Variants in RHOBTB1 observed in about 807,000 individuals in gnomAD.
RHOBTB1 encodes rho-related BTB domain-containing protein 1.
In RHOBTB1, 40 loss-of-function variants were observed where a neutral mutation model predicts 71.6. That is an observed-to-expected ratio of 0.56 (90% confidence interval 0.43 to 0.73). The LOEUF is 0.73. RHOBTB1 is among the 30% of genes least tolerant of loss of function. The pLI is 0.00. For missense variants in RHOBTB1, 797 were observed against 894.0 expected, an observed-to-expected ratio of 0.89 and a Z score of 1.38; for synonymous variants, 319 against 334.9, an observed-to-expected ratio of 0.95 and a Z score of 0.52.
At chr10:60,884,945 T>G (rs2081499150) in intron 7 of RHOBTB1, among the ~76,000 whole-genome samples, 1 of 152,002 alleles carries the variant, frequency 6.6e-6, no homozygotes, top group Non-Finnish European at 1.5e-5. Context: ...TAGAGACAGG[T>G]TCTCACTCTG....
chr10:60,937,484 G>A (rs940204599), intron 2 of RHOBTB1, among the ~76,000 whole-genome samples: 6 of 152,246 alleles, frequency 3.9e-5, no homozygotes, highest in African/African-American at 4.8e-5. Flanking sequence ...TTAGTTATCT[G>A]GCTGGAAATA....
At chr10:60,938,331 G>A (rs1331518552) in intron 2 of RHOBTB1, among the ~76,000 whole-genome samples, 1 of 152,198 alleles carries the variant, frequency 6.6e-6, no homozygotes, top group African/African-American at 2.4e-5. Context: ...TTCAGGCAGT[G>A]TTATGTAATG....
intron 2 of RHOBTB1, among the ~76,000 whole-genome samples, chr10:60,963,798 C>T (rs1368774145): frequency 6.6e-6 from 1 of 152,082 alleles, no homozygotes; most frequent in Non-Finnish European, 1.5e-5. Flanking sequence ...TTACAAGTTC[C>T]CTGAAATATT....
intron 3 of RHOBTB1, 100 bp from the exon 4 acceptor site, chr10:60,911,090 C>T (rs2082943840): frequency 2.2e-6 from 2 of 917,848 alleles, no homozygotes; most frequent in Admixed American, 2.1e-5. Context: ...AATTCACTTG[C>T]ATTAAGTTTC....
downstream of RHOBTB1, among the ~76,000 whole-genome samples, chr10:60,865,575 T>C (rs577876316): frequency 2.6e-5 from 4 of 152,326 alleles, no homozygotes; most frequent in Admixed American, 6.5e-5. Context: ...GAATAACTCA[T>C]TGTAATAGGT....
At chr10:60,969,139 A>G (rs2086068933) in intron 2 of RHOBTB1, among the ~76,000 whole-genome samples, 1 of 152,126 alleles carries the variant, frequency 6.6e-6, no homozygotes, top group South Asian at 2.1e-4. Flanking sequence ...TGAAGTTGAG[A>G]TGGAACAAAT....
chr10:60,992,198 A>C (rs900800905), intron 1 of RHOBTB1, among the ~76,000 whole-genome samples: 3 of 152,138 alleles, frequency 2.0e-5, no homozygotes, highest in African/African-American at 2.4e-5. Context: ...GGATATAAGA[A>C]ACGAAAGTAG....
chr10:60,933,415 A>G (rs1052991334), intron 2 of RHOBTB1, among the ~76,000 whole-genome samples: 1 of 152,216 alleles, frequency 6.6e-6, no homozygotes, highest in Admixed American at 6.5e-5. Context: ...GTATAGAAAA[A>G]GATTTCATTT....
chr10:61,001,157 A>C (rs982921542), intron 1 of RHOBTB1, among the ~76,000 whole-genome samples: 1 of 151,990 alleles, frequency 6.6e-6, no homozygotes, highest in Non-Finnish European at 1.5e-5. Context: ...GGAAGCAAGC[A>C]CCCTCTGGGG....
At chr10:60,871,685 C>T (rs370892681) in intron 10 of RHOBTB1, 34 bp from the exon 11 acceptor site, 916 of 1,598,772 alleles carry the variant, frequency 5.7e-4, no homozygotes, top group Admixed American at 7.4e-4. Flanking sequence ...ATAAGACCTG[C>T]GGTTCATTGA....
intron 2 of RHOBTB1, among the ~76,000 whole-genome samples, chr10:60,953,822 A>G (rs866707595): frequency 6.6e-6 from 1 of 152,182 alleles, no homozygotes; most frequent in Non-Finnish European, 1.5e-5. Flanking sequence ...ATAGAAACAC[A>G]AAGACACATG....
chr10:60,915,788 C>G (rs556517191), intron 2 of RHOBTB1, among the ~76,000 whole-genome samples: 17 of 152,228 alleles, frequency 1.1e-4, no homozygotes, highest in African/African-American at 3.1e-4. Flanking sequence ...GCTGTCATCT[C>G]CTGGACTTCA....
rs145532666 is a variant in RHOBTB1, at chr10:60,913,754, A to G, written c.-10-2202T>C. ...AATGTTACAGGGCTGAGGTTGTGAAACCCTGCCTTAGAAGGATGTGAGTTT... is the reference window on the plus strand; with the variant it reads ...AATGTTACAGGGCTGAGGTTGTGAAGCCCTGCCTTAGAAGGATGTGAGTTT... On this transcript the variant is annotated intron_variant, in intron 2 of 10. Coordinates refer to ENST00000337910, the MANE Select transcript of RHOBTB1 (RefSeq NM_014836.5). Among the ~76,000 whole-genome samples the G allele has an allele frequency of 7.6e-3, 1,158 of 152,206 alleles. 16 individuals are homozygous for G. The highest frequency in any genetic ancestry group is 0.026 in the African/African-American group (1,086 of 41,532).
At chr10:60,977,991 T>C (rs2086370174) in intron 2 of RHOBTB1, among the ~76,000 whole-genome samples, 1 of 152,134 alleles carries the variant, frequency 6.6e-6, no homozygotes, top group African/African-American at 2.4e-5. Context: ...GCCTCATCTA[T>C]AAAATGGGAA....
intron 2 of RHOBTB1, among the ~76,000 whole-genome samples, chr10:60,926,892 T>A (rs2083913952): frequency 6.6e-6 from 1 of 152,122 alleles, no homozygotes; most frequent in Non-Finnish European, 1.5e-5. Context: ...CAATTGGACA[T>A]GAGAAAGAAA....
chr10:60,998,076 T>C (rs2087120685), intron 1 of RHOBTB1, among the ~76,000 whole-genome samples: 1 of 152,242 alleles, frequency 6.6e-6, no homozygotes, highest in African/African-American at 2.4e-5. Flanking sequence ...TTCAGTTTCC[T>C]CTGCCGTAAA....
chr10:60,891,855 G>A (rs368615201), intron 5 of RHOBTB1, among the ~76,000 whole-genome samples: 22 of 152,148 alleles, frequency 1.4e-4, no homozygotes, highest in African/African-American at 5.3e-4. Context: ...ATCCCCATGT[G>A]TCACGGGAGG....
At chr10:60,987,129 A>C (rs529647025) in intron 1 of RHOBTB1, among the ~76,000 whole-genome samples, 1 of 152,198 alleles carries the variant, frequency 6.6e-6, no homozygotes, top group Non-Finnish European at 1.5e-5. Flanking sequence ...CCTAGTGATT[A>C]TATCAGTGAA....
At chr10:60,964,413 T>C (rs2085889626) in intron 2 of RHOBTB1, among the ~76,000 whole-genome samples, 2 of 152,142 alleles carry the variant, frequency 1.3e-5, no homozygotes, top group Admixed American at 6.6e-5. Flanking sequence ...TGGGAAATCA[T>C]CTCATCCAAT....
Sources: allele counts gnomAD v4.1 joint callset (sites outside exome capture counted in the v4.1 genomes callset), GRCh38; gene constraint gnomAD v4.1.1; transcripts MANE v1.5; gene names NCBI Gene and HGNC (gene_info 2026-07-23, HGNC 2026-07-21).